LUC7L2: variants seen among roughly 807,000 people sequenced by gnomAD.
The protein encoded by LUC7L2 is LUC7 like 2, pre-mRNA splicing factor, also known as putative RNA-binding protein Luc7-like 2.
In LUC7L2, 25 loss-of-function variants were observed where a neutral mutation model predicts 52.8. The ratio of observed to expected loss-of-function variants is 0.47; its 90% CI spans 0.34 to 0.66. The LOEUF (loss-of-function observed/expected upper bound fraction) is 0.66, where lower values mean the gene tolerates loss of function less well. Ranked by LOEUF, LUC7L2 falls within the 30% of genes least tolerant of loss-of-function variation. The pLI, the probability that LUC7L2 is intolerant of heterozygous loss-of-function variation, is 0.01. For missense variants in LUC7L2, 328 were observed against 497.8 expected (o/e 0.66, Z 3.25); for synonymous variants, 144 against 160.9 (o/e 0.89, Z 0.80).
chr7:139,420,501 C>T (rs75113607), intron 9 of LUC7L2, among the ~76,000 whole-genome samples: 2,544 of 152,208 alleles, frequency 0.017, 76 homozygotes, highest in African/African-American at 0.058. Flanking sequence ...CCACGTCCCA[C>T]CTTGGCTAAG....
At chr7:139,393,365 G>A (rs925228973) in intron 2 of LUC7L2, among the ~76,000 whole-genome samples, 1 of 152,054 alleles carries the variant, frequency 6.6e-6, no homozygotes, top group African/African-American at 2.4e-5. Context: ...TGGGAGGTAG[G>A]GTTGCAGTGA....
intron 2 of LUC7L2, among the ~76,000 whole-genome samples, chr7:139,385,311 CTTTTTTTTTTTT>C (rs58744665): frequency 2.5e-5 from 3 of 118,562 alleles, no homozygotes; most frequent in Non-Finnish European, 5.4e-5. Context: ...GTTAGGATTA[CTTTTTTTTTTTT>C]TTTTTTTTTT....
At chr7:139,350,128 C>G (rs1187164542) in intron 1 of LUC7L2, among the ~76,000 whole-genome samples, 1 of 147,776 alleles carries the variant, frequency 6.8e-6, no homozygotes, top group Admixed American at 6.8e-5. Context: ...TTAACCTTAT[C>G]TTTTTTTTTT....
rs552688353 is a variant in LUC7L2 at position 139,391,204 on chromosome 7, T to C, written c.157-7395T>C. On this transcript the variant is annotated intron_variant, in intron 2 of 9. Coordinates refer to ENST00000354926, the MANE Select transcript of LUC7L2 (RefSeq NM_016019.5). ...GTGTACACTGTGGCAGTCAAATCCT[T>C]GTATGTACATCTTTGTAGACACTTG... 1.6e-4 allele frequency among the ~76,000 whole-genome samples: 24 copies of C among 152,362 alleles called. No homozygotes were observed. In the South Asian group the frequency reaches 4.3e-3, roughly 28 times the overall value.
intron 1 of LUC7L2, chr7:139,375,031 C>T (rs1034232688): frequency 1.0e-4 from 103 of 983,006 alleles, no homozygotes; most frequent in Non-Finnish European, 1.2e-4. Flanking sequence ...TTTCATTCAT[C>T]GATAATATAT....
At chr7:139,414,487 G>T (rs1431884385) in intron 8 of LUC7L2, among the ~76,000 whole-genome samples, 1 of 152,252 alleles carries the variant, frequency 6.6e-6, no homozygotes, top group Non-Finnish European at 1.5e-5. Context: ...GACAAGCTTG[G>T]CATAGCCCAA....
chr7:139,386,429 G>T (rs987566949), intron 2 of LUC7L2, among the ~76,000 whole-genome samples: 19 of 139,194 alleles, frequency 1.4e-4, no homozygotes, highest in African/African-American at 4.1e-4. Context: ...TTTTGAGATG[G>T]AGTCTCACTC....
chr7:139,385,344 A>G (rs6942519), intron 2 of LUC7L2, among the ~76,000 whole-genome samples: 56,054 of 144,334 alleles, frequency 0.39, 15,312 homozygotes, highest in African/African-American at 0.78. Context: ...TTTTAAAGAA[A>G]CAGGTTCTCA....
rs66498771 is a variant in LUC7L2 at position 139,416,040 on chromosome 7, AATATATATAT to A, written c.810-1457_810-1448del. 958 of 97,648 alleles carry A rather than the reference AATATATATAT, an allele frequency of 9.8e-3. 12 individuals are homozygous for A. The highest frequency in any genetic ancestry group is 0.021 in the South Asian group (52 of 2,504). The allele number at this position is 97,648 out of a possible 1,614,324, so 6.0% of individuals were successfully genotyped here. A position where few individuals can be genotyped will look rare whatever the true frequency, so the allele number is the denominator to read the frequency against. On this transcript the variant is annotated intron_variant, in intron 8 of 9. Coordinates refer to ENST00000354926, the MANE Select transcript of LUC7L2 (RefSeq NM_016019.5). Reference sequence around the variant, plus strand: ...ATTTAAGAGTTTTATTGAGGTATAAAATATATATATATATATATATATATATATATATATA... The same window carrying A: ...ATTTAAGAGTTTTATTGAGGTATAAAATATATATATATATATATATATATA...
intron 1 of LUC7L2, among the ~76,000 whole-genome samples, chr7:139,373,641 C>G (rs994412733): frequency 1.7e-4 from 26 of 152,266 alleles, no homozygotes; most frequent in African/African-American, 6.3e-4. Context: ...GCCTGGTTTG[C>G]TATATTCCTA....
rs2131173606 is a variant in LUC7L2, at chr7:139,360,203, A to C, written c.-59A>C. Reference sequence around the variant, plus strand: ...CCCCCATCCCTTCCCCTTATCCCCCAGCCCAAAAGGGCCCGGTCTGCGCCC... The same window carrying C: ...CCCCCATCCCTTCCCCTTATCCCCCCGCCCAAAAGGGCCCGGTCTGCGCCC... On this transcript the variant is annotated 5_prime_UTR_variant, in exon 1 of 10. Coordinates refer to ENST00000354926, the MANE Select transcript of LUC7L2 (RefSeq NM_016019.5). The C allele has an allele frequency of 4.5e-5, 52 of 1,152,764 alleles. No homozygotes were observed. The highest frequency in any genetic ancestry group is 1.3e-4 in the Admixed American group (6 of 45,910). 71.4% of individuals were successfully genotyped at this position (1,152,764 alleles called of 1,614,324 possible). A position where few individuals can be genotyped will look rare whatever the true frequency, so the allele number is the denominator to read the frequency against.
At position 139,423,101 on chromosome 7, in the gene LUC7L2, C is replaced by CTACA. The variant is rs1795967111; in HGVS notation, c.*762_*765dup. On this transcript the variant is annotated 3_prime_UTR_variant, in exon 10 of 10. Transcript: ENST00000354926. ...ATTTTGTGTGTGTGGAGTATAAAGG[C>CTACA]TACACCCTTATTGTAAAAAAATAAT... 2.5e-6 allele frequency: 1 copy of CTACA among 398,798 alleles called. No individual in the cohort carries two copies. Among genetic ancestry groups the CTACA allele is most frequent in the Non-Finnish European group, 4.4e-6 (1 of 226,024 alleles). The allele number at this position is 398,798 out of a possible 1,614,324, so 24.7% of individuals were successfully genotyped here.
chr7:139,343,546 C>G (rs992191684), intron 1 of LUC7L2, among the ~76,000 whole-genome samples: 6 of 152,116 alleles, frequency 3.9e-5, no homozygotes, highest in African/African-American at 1.2e-4. Flanking sequence ...TACCACTGCT[C>G]TCCAGCATAG....
intron 8 of LUC7L2, among the ~76,000 whole-genome samples, chr7:139,415,064 T>TG (rs1013885675): frequency 7.0e-6 from 1 of 143,592 alleles, no homozygotes; most frequent in Non-Finnish European, 1.5e-5. Context: ...GTTTTTTTTT[T>TG]TTTTTTTTTT....
upstream of LUC7L2, chr7:139,359,433 C>G (rs1270588994): frequency 2.4e-5 from 4 of 169,240 alleles, no homozygotes; most frequent in African/African-American, 9.5e-5. Context: ...AGGCCTGCTC[C>G]CGGCCGGGAA....
At chr7:139,398,454 G>A in intron 2 of LUC7L2, 145 bp from the exon 3 acceptor site, 1 of 529,746 alleles carries the variant, frequency 1.9e-6, no homozygotes, top group South Asian at 3.9e-5. Context: ...TTTTATATTT[G>A]TCTATGAAAT....
In LUC7L2 at chr7:139,340,481, C is replaced by T. The variant is rs1011736996; in HGVS notation, c.-62C>T. The stretch of plus-strand genomic sequence containing the variant: ...GCGCGTACGCAGAAGCGTGCGCGCG[C>T]CCGTTCAACGTCCGGAGCATCGGTG... On this transcript the variant is annotated 5_prime_UTR_variant, in exon 1 of 11. Coordinates refer to the LUC7L2 transcript ENST00000541170. 12 of 398,448 alleles carry T rather than the reference C, an allele frequency of 3.0e-5. No individual in the cohort carries two copies. The Admixed American group carries it at 4.8e-4, about 16-fold the overall frequency. The allele number at this position is 398,448 out of a possible 1,614,324, so 24.7% of individuals were successfully genotyped here. A position where few individuals can be genotyped will look rare whatever the true frequency, so the allele number is the denominator to read the frequency against.
intron 7 of LUC7L2, among the ~76,000 whole-genome samples, chr7:139,409,875 G>A (rs7786469): frequency 0.38 from 58,421 of 152,136 alleles, 15,638 homozygotes; most frequent in African/African-American, 0.76. Context: ...AAAATGTGTG[G>A]AAGAGTGAAT....
chr7:139,364,330 G>A (rs1800034933), intron 1 of LUC7L2, among the ~76,000 whole-genome samples: 2 of 151,940 alleles, frequency 1.3e-5, no homozygotes, highest in Non-Finnish European at 2.9e-5. Context: ...CCTTTAAATG[G>A]GAGCAGAGAC....
Sources: allele counts gnomAD v4.1 joint callset (sites outside exome capture counted in the v4.1 genomes callset), GRCh38; gene constraint gnomAD v4.1.1; transcripts MANE v1.5; gene names NCBI Gene and HGNC (gene_info 2026-07-23, HGNC 2026-07-21).